Variants in PRKAG2 observed in about 807,000 individuals in gnomAD.
PRKAG2 encodes the protein 5'-AMP-activated protein kinase subunit gamma-2.
Under a neutral mutation model 69.6 loss-of-function variants are expected in PRKAG2, and 26 were observed. The ratio of observed to expected loss-of-function variants is 0.37; its 90% CI spans 0.27 to 0.52. The LOEUF (loss-of-function observed/expected upper bound fraction) is 0.52, where lower values mean the gene tolerates loss of function less well. PRKAG2 is among the 20% of genes least tolerant of loss of function. The pLI, the probability that PRKAG2 is intolerant of heterozygous loss-of-function variation, is 0.90. For synonymous variants in PRKAG2, 293 were observed against 285.0 expected (o/e 1.03, Z -0.28); for missense variants, 557 against 740.0 (o/e 0.75, Z 2.87).
intron 5 of PRKAG2, among the ~76,000 whole-genome samples, chr7:151,608,916 G>C (rs1051626585): frequency 1.3e-5 from 2 of 151,464 alleles, no homozygotes; most frequent in Non-Finnish European, 2.9e-5. Flanking sequence ...TTCAAGATGG[G>C]GTCGCACACT....
chr7:151,763,636 C>T (rs969920940), intron 3 of PRKAG2, among the ~76,000 whole-genome samples: 5 of 152,342 alleles, frequency 3.3e-5, no homozygotes, highest in Admixed American at 2.0e-4. Flanking sequence ...AAAGCCTGGC[C>T]GGACCTCCAG....
At chr7:151,761,011 T>C (rs1181026558) in intron 3 of PRKAG2, among the ~76,000 whole-genome samples, 1 of 152,332 alleles carries the variant, frequency 6.6e-6, no homozygotes, top group East Asian at 1.9e-4. Flanking sequence ...AGTTAGTAGG[T>C]AGGCAGTTGC....
At chr7:151,623,216 T>A (rs1585296831) in intron 5 of PRKAG2, among the ~76,000 whole-genome samples, 1 of 151,184 alleles carries the variant, frequency 6.6e-6, no homozygotes, top group East Asian at 1.9e-4. Context: ...ATACAAAAAT[T>A]GGTTGGGCAT....
intron 3 of PRKAG2, among the ~76,000 whole-genome samples, chr7:151,677,119 T>G (rs1833070576): frequency 6.6e-6 from 1 of 152,208 alleles, no homozygotes; most frequent in African/African-American, 2.4e-5. Context: ...CTGAGGAGAC[T>G]GATGCAATGC....
intron 3 of PRKAG2, among the ~76,000 whole-genome samples, chr7:151,700,686 G>A (rs1354715393): frequency 6.6e-6 from 1 of 152,150 alleles, no homozygotes; most frequent in Non-Finnish European, 1.5e-5. Context: ...TGAGTTCTGG[G>A]AGAAGACTGG....
chr7:151,755,808 AG>A (rs34308469), intron 3 of PRKAG2, among the ~76,000 whole-genome samples: 3 of 152,212 alleles, frequency 2.0e-5, no homozygotes, highest in African/African-American at 4.8e-5. Flanking sequence ...CAAGGCAGCA[AG>A]GGGACTCTCA....
At chr7:151,705,909 TC>T (rs1229952985) in intron 3 of PRKAG2, among the ~76,000 whole-genome samples, 3 of 151,844 alleles carry the variant, frequency 2.0e-5, no homozygotes, top group Admixed American at 2.0e-4. Flanking sequence ...TGATTTCACA[TC>T]CCCCCGCCCC....
chr7:151,639,302 A>G (rs948955790), intron 4 of PRKAG2, among the ~76,000 whole-genome samples: 3 of 152,212 alleles, frequency 2.0e-5, no homozygotes, highest in Non-Finnish European at 4.4e-5. Flanking sequence ...CCAGCCGGGC[A>G]GCTTGAGCTC....
chr7:151,618,832 G>A (rs994968826), intron 5 of PRKAG2, among the ~76,000 whole-genome samples: 1 of 152,116 alleles, frequency 6.6e-6, no homozygotes, highest in African/African-American at 2.4e-5. Context: ...CAGAAACAAA[G>A]GCAAATCTTA....
In PRKAG2 at chr7:151,864,981, T is replaced by A. The variant is rs115767440; in HGVS notation, c.114+11526A>T. 9.8e-3 allele frequency among the ~76,000 whole-genome samples: 1,499 copies of A among 152,190 alleles called. 27 individuals carry two copies. The highest frequency in any genetic ancestry group is 0.031 in the African/African-American group (1,288 of 41,542). ...ATACTTTAAATAGCATATGATTAGA[T>A]AACAATTTTATATAATACTAATTAT... is the stretch of plus-strand genomic sequence containing the variant. On this transcript the variant is annotated intron_variant, in intron 1 of 15. Transcript: ENST00000287878.
At chr7:151,721,062 AG>A (rs1679004820) in intron 3 of PRKAG2, among the ~76,000 whole-genome samples, 1 of 61,352 alleles carries the variant, frequency 1.6e-5, no homozygotes, top group African/African-American at 6.5e-5. Flanking sequence ...AGGGGCATGA[AG>A]GGGGCAGAGG....
At chr7:151,561,084 A>G (rs889696807) in intron 14 of PRKAG2, among the ~76,000 whole-genome samples, 5 of 152,232 alleles carry the variant, frequency 3.3e-5, no homozygotes, top group African/African-American at 9.6e-5. Flanking sequence ...GGTGAAAAAC[A>G]GGGACACAGG....
intron 5 of PRKAG2, among the ~76,000 whole-genome samples, chr7:151,616,255 C>T (rs769834276): frequency 3.3e-5 from 5 of 152,226 alleles, no homozygotes; most frequent in African/African-American, 7.2e-5. Flanking sequence ...GCAACGAGGG[C>T]GGGAGGAAGC....
intron 4 of PRKAG2, 46 bp downstream of exon 4, chr7:151,675,374 C>T (rs1310048980): frequency 2.9e-5 from 45 of 1,567,508 alleles, no homozygotes; most frequent in Non-Finnish European, 3.9e-5. Context: ...GCTCTGCCCT[C>T]CCTCTGCCAC....
chr7:151,771,936 G>GT lies in PRKAG2; in HGVS notation c.466+9215dup, dbSNP rs1330122877. On this transcript the variant is annotated intron_variant, in intron 3 of 15. Transcript: ENST00000287878. The surrounding 1 kb of genome is among the most constrained non-coding windows in gnomAD (Gnocchi z 4.0). ...CATTTTAGAAAGCATTGAAAAACAA[G>GT]TTAAGTTGTTGGTGAATTAATTTCA... is the stretch of plus-strand genomic sequence containing the variant. Among the ~76,000 whole-genome samples the GT allele has an allele frequency of 6.6e-6, 1 of 152,214 alleles. No homozygotes were observed. The highest frequency in any genetic ancestry group is 1.5e-5 in the Non-Finnish European group (1 of 68,046).
chr7:151,701,336 C>T (rs953304360), intron 3 of PRKAG2, among the ~76,000 whole-genome samples: 3 of 152,146 alleles, frequency 2.0e-5, no homozygotes, highest in Non-Finnish European at 4.4e-5. Context: ...AAATGTGTCT[C>T]CCCAAAAAGA....
intron 5 of PRKAG2, among the ~76,000 whole-genome samples, chr7:151,617,170 G>A (rs1391066275): frequency 6.6e-6 from 1 of 151,260 alleles, no homozygotes; most frequent in Non-Finnish European, 1.5e-5. Context: ...GCTGAGGTAG[G>A]AGAATCACTT....
chr7:151,589,875 C>T (rs1276577719), intron 6 of PRKAG2, among the ~76,000 whole-genome samples: 7 of 152,148 alleles, frequency 4.6e-5, no homozygotes, highest in Non-Finnish European at 8.8e-5. Flanking sequence ...GCAGAGGTTG[C>T]AGTGAGCCAA....
At chr7:151,672,162 C>T (rs777145940) in intron 4 of PRKAG2, among the ~76,000 whole-genome samples, 1 of 151,244 alleles carries the variant, frequency 6.6e-6, no homozygotes, top group Non-Finnish European at 1.5e-5. Context: ...AGTGCAGTGG[C>T]GCCATCTCGG....
Sources: gnomAD v4.1 joint callset for allele counts (sites outside exome capture counted in the v4.1 genomes callset) on GRCh38, gnomAD v4.1.1 for gene constraint, Gnocchi (gnomAD v3.1) non-coding constraint, MANE v1.5 for transcripts, NCBI Gene and HGNC (gene_info 2026-07-23, HGNC 2026-07-21) for gene names.